The following MMP17 variants were observed in gnomAD, a reference collection of about 807,000 sequenced individuals.
MMP17 encodes the protein matrix metalloproteinase-17.
MMP17 carries 54 observed loss-of-function variants against 49.1 expected under a neutral mutation model. The observed-to-expected ratio is 1.10, with a 90% CI of 0.88 to 1.38. The LOEUF is 1.38. Among genes scored for constraint, MMP17 ranks in the 40% most tolerant of loss-of-function variants. The pLI, the probability that MMP17 is intolerant of heterozygous loss-of-function variation, is 0.00. For synonymous variants in MMP17, 397 were observed against 383.1 expected, an observed-to-expected ratio of 1.04 and a Z score of -0.42; for missense variants, 837 against 853.7, an observed-to-expected ratio of 0.98 and a Z score of 0.24.
chr12:131,834,452 A>G (rs1886976210), intron 1 of MMP17, among the ~76,000 whole-genome samples: 1 of 152,128 alleles, frequency 6.6e-6, no homozygotes, highest in Non-Finnish European at 1.5e-5. Flanking sequence ...GGGGGCAGGT[A>G]GCAGGTTCCC....
chr12:131,851,755 T>G lies in MMP17; in HGVS notation c.*481T>G. ...CCCTGTGACGCGTTCCAGACCAACA[T>G]GACCTCTCCCTGCTTTCTAGCGGCT... On this transcript the variant is annotated 3_prime_UTR_variant, in exon 10 of 10. Transcript: ENST00000360564. 6.5e-6 allele frequency: 1 copy of G among 154,554 alleles called. No individual in the cohort carries two copies. Among genetic ancestry groups the G allele is most frequent in the Non-Finnish European group, 1.4e-5 (1 of 69,834 alleles). 9.6% of individuals were successfully genotyped at this position (154,554 alleles called of 1,614,324 possible).
chr12:131,849,777 C>G, intron 8 of MMP17, 25 bp from the exon 9 acceptor site: 1 of 1,599,636 alleles, frequency 6.3e-7, no homozygotes, highest in Non-Finnish European at 8.5e-7. Flanking sequence ...GAGCCCCGGC[C>G]CACAGCTGTT....
intron 8 of MMP17, among the ~76,000 whole-genome samples, 189 bp from the exon 9 acceptor site, chr12:131,849,613 C>T (rs1887871059): frequency 6.6e-6 from 1 of 152,156 alleles, no homozygotes; most frequent in African/African-American, 2.4e-5. Flanking sequence ...GGACTGGGCA[C>T]AGTAGGTGCT....
chr12:131,850,158 C>T lies in MMP17; in HGVS notation c.1462+99C>T, dbSNP rs562480260. The T allele has an allele frequency of 1.3e-3, 1,837 of 1,424,212 alleles. 4 individuals are homozygous for T. The highest frequency in any genetic ancestry group is 1.6e-3 in the Non-Finnish European group (1,751 of 1,078,894). 88.2% of individuals were successfully genotyped at this position (1,424,212 alleles called of 1,614,324 possible). Reference sequence around the variant, plus strand: ...GCCAAGAGGTTCCCTGAAAGGAGGACGGCCCCGGTCGGTGTGGGCTCTGAG... The same window carrying T: ...GCCAAGAGGTTCCCTGAAAGGAGGATGGCCCCGGTCGGTGTGGGCTCTGAG... On this transcript the variant is annotated intron_variant, in intron 9 of 9. Transcript: ENST00000360564.
At chr12:131,830,599 G>C (rs919854808) in intron 1 of MMP17, among the ~76,000 whole-genome samples, 3 of 152,234 alleles carry the variant, frequency 2.0e-5, no homozygotes, top group Admixed American at 6.5e-5. Flanking sequence ...GCCGGGATCT[G>C]GGCGGGAGCG....
chr12:131,850,231 G>A (rs1042374938), intron 9 of MMP17, among the ~76,000 whole-genome samples, 172 bp downstream of exon 9: 7 of 152,128 alleles, frequency 4.6e-5, no homozygotes, highest in African/African-American at 1.7e-4. Flanking sequence ...GCGTCCCCGA[G>A]TCGCTCCCCG....
rs1198093388 is a variant in MMP17 at position 131,851,300 on chromosome 12, C to G, written c.*26C>G. 9.5e-6 allele frequency: 13 copies of G among 1,367,232 alleles called. No individual in the cohort carries two copies. The highest frequency in any genetic ancestry group is 1.2e-5 in the Non-Finnish European group (13 of 1,056,870). The allele number at this position is 1,367,232 out of a possible 1,614,324, so 84.7% of individuals were successfully genotyped here. A position where few individuals can be genotyped will look rare whatever the true frequency, so the allele number is the denominator to read the frequency against. On this transcript the variant is annotated 3_prime_UTR_variant, in exon 10 of 10. Transcript: ENST00000360564. ...CACACAGCGCGAGCCCATGAGAGGA[C>G]AGAGGCGGTGGGACAGCCTGGCCAC...
At position 131,840,695 on chromosome 12, in the gene MMP17, C is replaced by A; in HGVS notation, c.545C>A (p.Ala182Asp). The change falls in exon 4 of 10, where the codon GCC becomes GAC. Residue 182 changes from alanine (A) to aspartate (D), a missense_variant. Coordinates refer to ENST00000360564, the MANE Select transcript of MMP17 (RefSeq NM_016155.7). Reference sequence around the variant, plus strand: ...AACTTCCACGAGGTGGCGGGCAGCGCCGCCGACATCCAGATCGACTTCTCC... The same window carrying A: ...AACTTCCACGAGGTGGCGGGCAGCGACGCCGACATCCAGATCGACTTCTCC... ...PLNFHEVAGS[A>D]ADIQIDFSKA... The A allele has an allele frequency of 1.2e-6, 2 of 1,605,944 alleles. No individual in the cohort carries two copies. Among genetic ancestry groups the A allele is most frequent in the Non-Finnish European group, 1.7e-6 (2 of 1,179,904 alleles).
rs1305957767 is a variant in MMP17, at chr12:131,841,664, G to A, written c.747G>A (p.Glu249=). 1.2e-6 allele frequency: 2 copies of A among 1,613,958 alleles called. No homozygotes were observed. Among genetic ancestry groups the A allele is most frequent in the Middle Eastern group, 1.7e-4 (1 of 6,046 alleles). The part of the protein sequence containing the change: ...GMDLFAVAVH[E]FGHAIGLSHV... ...ACCTGTTTGCAGTGGCTGTCCACGA[G>A]TTTGGCCACGCCATTGGGTTAAGCC... Residue 249 remains glutamate, a synonymous_variant, in exon 5 of 10, where the codon GAG becomes GAA. Transcript: ENST00000360564.
chr12:131,845,273 C>T (rs370988564), intron 7 of MMP17, 24 bp from the exon 8 acceptor site: 29 of 1,612,280 alleles, frequency 1.8e-5, no homozygotes, highest in African/African-American at 5.3e-5. Context: ...CTCTGCAGCC[C>T]GGCCCTCCCC....
At position 131,829,158 on chromosome 12, in the gene MMP17, G is replaced by A. The variant is rs564414022; in HGVS notation, c.159+505G>A. ...CGAGTTTGCTCGGTTGAGGGTGTTG[G>A]GGGCACAGGGATGCTGGCCCCCAGC... is the stretch of plus-strand genomic sequence containing the variant. On this transcript the variant is annotated intron_variant, in intron 1 of 9. Transcript: ENST00000360564. Among the ~76,000 whole-genome samples the A allele has an allele frequency of 2.6e-5, 4 of 152,346 alleles. No individual in the cohort carries two copies. The South Asian group carries it at 8.3e-4, about 32-fold the overall frequency.
intron 4 of MMP17, among the ~76,000 whole-genome samples, chr12:131,841,194 A>G (rs1887388697): frequency 6.6e-6 from 1 of 152,202 alleles, no homozygotes. Context: ...CAGAAGTCTC[A>G]GCTCTGCAGA....
At chr12:131,835,511 G>A (rs1287925224) in intron 1 of MMP17, among the ~76,000 whole-genome samples, 1 of 152,196 alleles carries the variant, frequency 6.6e-6, no homozygotes, top group Non-Finnish European at 1.5e-5. Flanking sequence ...CAGAGTGGGG[G>A]GTGCCCCAAA....
intron 5 of MMP17, among the ~76,000 whole-genome samples, chr12:131,843,267 C>CTTTTTTTT (rs55938259): frequency 9.3e-6 from 1 of 108,014 alleles, no homozygotes; most frequent in African/African-American, 4.0e-5. Context: ...CACCTGGCCT[C>CTTTTTTTT]TTTTTTTTTT....
In MMP17 at chr12:131,835,558, CA is replaced by C. The variant is rs1887042760; in HGVS notation, c.160-2636del. 2.6e-5 allele frequency among the ~76,000 whole-genome samples: 4 copies of C among 152,208 alleles called. No individual in the cohort carries two copies. In the South Asian group the frequency reaches 8.3e-4, roughly 32 times the overall value. ...AACCCCACAGAGTAAATGGGCCACT[CA>C]GTGCAGCTACCAGCCATGACCTCAG... On this transcript the variant is annotated intron_variant, in intron 1 of 9. Transcript: ENST00000360564.
intron 1 of MMP17, among the ~76,000 whole-genome samples, chr12:131,837,132 G>A (rs984168245): frequency 2.6e-5 from 4 of 152,166 alleles, no homozygotes; most frequent in African/African-American, 7.2e-5. Context: ...TGTCCCCTGC[G>A]CCAGGTGCTG....
At chr12:131,848,237 C>T (rs956970011) in intron 8 of MMP17, among the ~76,000 whole-genome samples, 1 of 152,094 alleles carries the variant, frequency 6.6e-6, no homozygotes, top group Non-Finnish European at 1.5e-5. Context: ...AGGCGCTCAC[C>T]ACCGTGCCTG....
chr12:131,849,552 C>G (rs1887867467), intron 8 of MMP17, among the ~76,000 whole-genome samples: 1 of 152,160 alleles, frequency 6.6e-6, no homozygotes, highest in Admixed American at 6.5e-5. Flanking sequence ...GTTGTTGTTT[C>G]CATCGGTAAA....
chr12:131,851,413 G>A lies in MMP17; in HGVS notation c.*139G>A. 1 of 725,282 alleles carries A rather than the reference G, an allele frequency of 1.4e-6. No individual in the cohort carries two copies. Among genetic ancestry groups the A allele is most frequent in the Non-Finnish European group, 2.0e-6 (1 of 510,016 alleles). The allele number at this position is 725,282 out of a possible 1,614,324, so 44.9% of individuals were successfully genotyped here. A position where few individuals can be genotyped will look rare whatever the true frequency, so the allele number is the denominator to read the frequency against. ...CCCTGGCACCGGAAGGCCAGCAGAG[G>A]GCACTGTCCGCCAGGGCTGGGCAGG... On this transcript the variant is annotated 3_prime_UTR_variant, in exon 10 of 10. Transcript: ENST00000360564.
Sources: gnomAD v4.1 joint callset for allele counts (sites outside exome capture counted in the v4.1 genomes callset) on GRCh38, gnomAD v4.1.1 for gene constraint, MANE v1.5 for transcripts, NCBI Gene and HGNC (gene_info 2026-07-23, HGNC 2026-07-21) for gene names.